Variants in MNAT1 observed in about 807,000 individuals in gnomAD.
MNAT1 encodes MNAT1 component of CDK activating kinase, also known as CDK-activating kinase assembly factor MAT1.
A neutral mutation model predicts 42.0 loss-of-function variants in MNAT1; 43 were observed. That is an observed-to-expected ratio of 1.02 (90% CI 0.80 to 1.32). The LOEUF (loss-of-function observed/expected upper bound fraction) is 1.32. Ranked by LOEUF, MNAT1 falls within the 40% of genes most tolerant of loss-of-function variation. The probability of loss-of-function intolerance (pLI) is 0.00; values close to 1 mark genes in which losing one functional copy is unlikely to be tolerated. For synonymous variants in MNAT1, 118 were observed against 120.0 expected, an observed-to-expected ratio of 0.98 and a Z score of 0.11; for missense variants, 306 against 350.4, an observed-to-expected ratio of 0.87 and a Z score of 1.01.
At chr14:60,803,484 G>A (rs1019244593) in intron 3 of MNAT1, among the ~76,000 whole-genome samples, 3 of 152,142 alleles carry the variant, frequency 2.0e-5, no homozygotes, top group Non-Finnish European at 4.4e-5. Flanking sequence ...GAGAGCTTAA[G>A]TATTGTGCCC....
rs4151242 is a variant in MNAT1 at position 60,837,156 on chromosome 14, G to A, written c.687+18309G>A. 1.7e-3 allele frequency among the ~76,000 whole-genome samples: 266 copies of A among 152,312 alleles called. No homozygotes were observed. In the East Asian group the frequency reaches 0.028, roughly 16 times the overall value. On this transcript the variant is annotated intron_variant, in intron 6 of 7. Coordinates refer to ENST00000261245, the MANE Select transcript of MNAT1 (RefSeq NM_002431.4). ...AAGCCAGTGTTTCTTAGCTTGCTGG[G>A]CTCCGTGGGGGTGGGATCCGCTGGG...
chr14:60,897,434 T>C (rs2034979978), intron 7 of MNAT1, among the ~76,000 whole-genome samples: 1 of 152,156 alleles, frequency 6.6e-6, no homozygotes, highest in African/African-American at 2.4e-5. Flanking sequence ...TAATATGATA[T>C]TTCAGAATGC....
rs566976883 is a variant in MNAT1 at position 60,923,600 on chromosome 14, T to C, written c.809+43765T>C. ...CTTCAATTAGACATTTAGGTCAGTTTTCATTTGTTGTTTTTATAAATAGAA... is the reference window on the plus strand; with the variant it reads ...CTTCAATTAGACATTTAGGTCAGTTCTCATTTGTTGTTTTTATAAATAGAA... On this transcript the variant is annotated intron_variant, in intron 7 of 7. Transcript: ENST00000261245. Among the ~76,000 whole-genome samples, 189 of 152,332 alleles carry C rather than the reference T, an allele frequency of 1.2e-3. 2 individuals carry two copies. Among genetic ancestry groups the C allele is most frequent in the African/African-American group, 4.4e-3 (185 of 41,574 alleles).
intron 1 of MNAT1, among the ~76,000 whole-genome samples, chr14:60,774,456 A>T (rs1413693999): frequency 1.3e-5 from 2 of 152,178 alleles, no homozygotes; most frequent in Admixed American, 1.3e-4. Context: ...TTTGTATTTT[A>T]TGCTATTTAA....
At chr14:60,877,462 C>T (rs529601776) in intron 6 of MNAT1, among the ~76,000 whole-genome samples, 1 of 152,098 alleles carries the variant, frequency 6.6e-6, no homozygotes, top group South Asian at 2.1e-4. Context: ...TAAGTCATGA[C>T]TTTTACCTTT....
At chr14:60,857,744 G>A (rs1434103228) in intron 6 of MNAT1, among the ~76,000 whole-genome samples, 6 of 151,702 alleles carry the variant, frequency 4.0e-5, no homozygotes, top group East Asian at 3.9e-4. Flanking sequence ...CCCCTGACAG[G>A]CCCCGGTGTG....
chr14:60,946,386 T>C (rs529978632), intron 7 of MNAT1, among the ~76,000 whole-genome samples: 7 of 152,214 alleles, frequency 4.6e-5, no homozygotes, highest in Non-Finnish European at 8.8e-5. Context: ...ATTTTGCTGA[T>C]TCACAATCGA....
At chr14:60,885,293 C>G (rs2034640166) in intron 7 of MNAT1, among the ~76,000 whole-genome samples, 3 of 151,850 alleles carry the variant, frequency 2.0e-5, no homozygotes, top group Admixed American at 1.3e-4. Flanking sequence ...TCATCTCTCT[C>G]TCTGTCTCCT....
intron 7 of MNAT1, among the ~76,000 whole-genome samples, chr14:60,949,411 A>G (rs1325386872): frequency 6.6e-6 from 1 of 152,188 alleles, no homozygotes; most frequent in African/African-American, 2.4e-5. Flanking sequence ...TAAGAAGTCT[A>G]CATTTTTAAC....
chr14:60,776,574 G>C (rs140534956), intron 1 of MNAT1, among the ~76,000 whole-genome samples: 190 of 152,230 alleles, frequency 1.2e-3, no homozygotes, highest in Middle Eastern at 3.4e-3. Context: ...CTGTCCTGGG[G>C]GGGGAGGAGC....
intron 1 of MNAT1, among the ~76,000 whole-genome samples, chr14:60,751,277 T>C (rs1346114317): frequency 6.6e-6 from 1 of 152,160 alleles, no homozygotes; most frequent in Non-Finnish European, 1.5e-5. Context: ...TTTTTTTTAC[T>C]GTAATGCAAC....
chr14:60,794,937 G>A (rs7153035), intron 1 of MNAT1, among the ~76,000 whole-genome samples: 140,016 of 151,754 alleles, frequency 0.92, 65,165 homozygotes, highest in Non-Finnish European at 0.99. Context: ...AGTACTTAGC[G>A]TTAGGCACTG....
intron 7 of MNAT1, among the ~76,000 whole-genome samples, chr14:60,932,556 T>A (rs1170953097): frequency 6.6e-6 from 1 of 151,968 alleles, no homozygotes; most frequent in Non-Finnish European, 1.5e-5. Context: ...TTTTTTCTTT[T>A]CTTTATTCTT....
chr14:60,854,936 T>C (rs1164092804), intron 6 of MNAT1, among the ~76,000 whole-genome samples: 1 of 152,142 alleles, frequency 6.6e-6, no homozygotes, highest in Non-Finnish European at 1.5e-5. Context: ...TTCCATCAGG[T>C]GCTCTGTCCC....
At chr14:60,927,173 T>G (rs972303244) in intron 7 of MNAT1, among the ~76,000 whole-genome samples, 5 of 152,190 alleles carry the variant, frequency 3.3e-5, no homozygotes, top group Non-Finnish European at 5.9e-5. Context: ...ATACATCTCC[T>G]TTATCAGAGG....
chr14:60,908,568 C>T (rs536894929), intron 7 of MNAT1, among the ~76,000 whole-genome samples: 10 of 151,556 alleles, frequency 6.6e-5, no homozygotes, highest in South Asian at 2.1e-4. Context: ...TGAGAACATG[C>T]GGTGTTTGGT....
intron 1 of MNAT1, chr14:60,780,336 C>G: frequency 6.4e-7 from 1 of 1,568,914 alleles, no homozygotes; most frequent in Non-Finnish European, 8.8e-7. Context: ...AGAGAAAAGT[C>G]TCAGAAAGCT....
chr14:60,914,343 G>C (rs547216699), intron 7 of MNAT1, among the ~76,000 whole-genome samples: 102 of 152,252 alleles, frequency 6.7e-4, no homozygotes, highest in Admixed American at 1.8e-3. Flanking sequence ...TGCACCCACT[G>C]TCCGGCACTT....
At chr14:60,907,119 A>G (rs561960069) in intron 7 of MNAT1, among the ~76,000 whole-genome samples, 7 of 152,176 alleles carry the variant, frequency 4.6e-5, no homozygotes, top group African/African-American at 1.4e-4. Flanking sequence ...GTACATTTGA[A>G]GTAAACAGTG....
Sources: gnomAD v4.1 joint callset for allele counts (sites outside exome capture counted in the v4.1 genomes callset) on GRCh38, gnomAD v4.1.1 for gene constraint, MANE v1.5 for transcripts, NCBI Gene and HGNC (gene_info 2026-07-23, HGNC 2026-07-21) for gene names.